IGFN1: variants seen among roughly 807,000 people sequenced by gnomAD.
IGFN1 encodes the protein immunoglobulin-like and fibronectin type III domain-containing protein 1.
Under a neutral mutation model 289.5 loss-of-function variants are expected in IGFN1, and 253 were observed. The ratio of observed to expected loss-of-function variants is 0.87; its 90% CI spans 0.79 to 0.97. The LOEUF (loss-of-function observed/expected upper bound fraction) is 0.97, where lower values mean the gene tolerates loss of function less well. Among genes scored for constraint, IGFN1 ranks in the 50% least tolerant of loss-of-function variants. The pLI, the probability that IGFN1 is intolerant of heterozygous loss-of-function variation, is 0.00. For missense variants in IGFN1, 4,470 were observed against 4,686.1 expected, an observed-to-expected ratio of 0.95 and a Z score of 1.35; for synonymous variants, 1,706 against 1,788.5, an observed-to-expected ratio of 0.95 and a Z score of 1.16.
chr1:201,195,245 G>A (rs1666849957), intron 3 of IGFN1, among the ~76,000 whole-genome samples: 1 of 151,934 alleles, frequency 6.6e-6, no homozygotes, highest in African/African-American at 2.4e-5. Context: ...TCTGCCTCTG[G>A]GGTTCAAGTG....
rs1326224296 is a variant in IGFN1, at chr1:201,207,392, A to C, written c.2499A>C (p.Glu833Asp). 13 of 1,536,140 alleles carry C rather than the reference A, an allele frequency of 8.5e-6. No homozygotes were observed. Among genetic ancestry groups the C allele is most frequent in the South Asian group, 3.6e-5 (3 of 83,934 alleles). Residue 833 changes from glutamate to aspartate, a missense_variant, in exon 12 of 24, where the codon GAA becomes GAC. This residue lies in a region of IGFN1 where 2,011 missense variants were observed against 1,953.4 expected (regional missense o/e 1.03). Coordinates refer to ENST00000335211, the MANE Select transcript of IGFN1 (RefSeq NM_001164586.2). ...HRAAGGIGRI[E>D]SKGTSPWDDT... ...CAGCAGGGGGTATTGGCAGAATAGA[A>C]TCTAAGGGCACAAGTCCTTGGGATG...
At position 201,212,697 on chromosome 1, in the gene IGFN1, G is replaced by A. The variant is rs770844610; in HGVS notation, c.7804G>A (p.Gly2602Ser). 57 of 1,548,922 alleles carry A rather than the reference G, an allele frequency of 3.7e-5. No homozygotes were observed. Among genetic ancestry groups the A allele is most frequent in the Middle Eastern group, 1.7e-4 (1 of 6,002 alleles). Residue 2602 changes from glycine to serine, a missense_variant, in exon 12 of 24, where the codon GGC becomes AGC. Physicochemically the swap from Gly to Ser is moderately conservative, Grantham distance 56 (BLOSUM62 0). This residue lies in a region of IGFN1 where 2,218 missense variants were observed against 2,114.1 expected (regional missense o/e 1.05). Transcript: ENST00000335211. The part of the protein sequence containing the change: ...SVGTGQDLDS[G>S]SMPGGRGKST... ...GGGGACAGGTCAGGATCTGGACAGC[G>A]GCTCTATGCCTGGGGGAAGGGGCAA...
At chr1:201,224,015 G>A (rs984781930) in intron 20 of IGFN1, among the ~76,000 whole-genome samples, 3 of 152,038 alleles carry the variant, frequency 2.0e-5, no homozygotes, top group Admixed American at 6.5e-5. Context: ...TATTATTAAC[G>A]CCTTAAATTC....
Position 201,212,859 on chromosome 1 carries a change from G to C in IGFN1, c.7966G>C (p.Glu2656Gln). Residue 2656 changes from glutamate to glutamine, a missense_variant, in exon 12 of 24, where the codon GAG becomes CAG. Coordinates refer to ENST00000335211, the MANE Select transcript of IGFN1 (RefSeq NM_001164586.2). ...CTCCAGAGCTTCCGGTTCTCTGCAG[G>C]AGAAAGATGCCGCTTTTGGTGGGAC... ...AGSRASGSLQ[E>Q]KDAAFGGTHE... 1.3e-6 allele frequency: 2 copies of C among 1,551,298 alleles called. No individual in the cohort carries two copies. The highest frequency in any genetic ancestry group is 1.7e-6 in the Non-Finnish European group (2 of 1,146,888).
At chr1:201,227,862 G>A (rs918512763) in intron 23 of IGFN1, among the ~76,000 whole-genome samples, 9 of 152,308 alleles carry the variant, frequency 5.9e-5, no homozygotes, top group South Asian at 2.1e-4. Context: ...ACAGGCATCC[G>A]TATTGCTGTT....
At chr1:201,199,224 A>G in intron 5 of IGFN1, 110 bp from the exon 6 acceptor site, 1 of 907,066 alleles carries the variant, frequency 1.1e-6, no homozygotes, top group Non-Finnish European at 1.8e-6. Context: ...GACAGTGGGG[A>G]GAGCAGGGCT....
chr1:201,194,874 C>T (rs192664312), intron 3 of IGFN1, among the ~76,000 whole-genome samples: 224 of 152,286 alleles, frequency 1.5e-3, no homozygotes, highest in Middle Eastern at 6.8e-3. Context: ...TTTTATTTTT[C>T]TAAATCTGGA....
chr1:201,212,481 G>C lies in IGFN1; in HGVS notation c.7588G>C (p.Gly2530Arg). Residue 2530 changes from glycine to arginine, a missense_variant, in exon 12 of 24, where the codon GGC becomes CGC. By Grantham distance (125) the Gly-to-Arg change is moderately radical. Coordinates refer to ENST00000335211, the MANE Select transcript of IGFN1 (RefSeq NM_001164586.2). ...GIMGASGFLD[G>R]KGAVEGETWA... ...AATGGGGGCTTCTGGGTTTCTTGAT[G>C]GCAAGGGGGCAGTGGAAGGTGAGAC... The C allele has an allele frequency of 6.5e-7, 1 of 1,540,582 alleles. No individual in the cohort carries two copies. Among genetic ancestry groups the C allele is most frequent in the Non-Finnish European group, 8.7e-7 (1 of 1,146,822 alleles).
At chr1:201,214,907 C>A in intron 13 of IGFN1, 106 bp from the exon 14 acceptor site, 1 of 1,145,036 alleles carries the variant, frequency 8.7e-7, no homozygotes, top group Middle Eastern at 2.0e-4. Context: ...TCCATTCACA[C>A]AGCTGTTATC....
rs1415402978 is a variant in IGFN1, at chr1:201,207,499, G to A, written c.2606G>A (p.Gly869Asp). ...CCCAGTGGAGGACAAGAGGGTATGG[G>A]TGGTATCTGGGTGGCTGGACTGACG... is the stretch of plus-strand genomic sequence containing the variant. The part of the protein sequence containing the change: ...LGPSGGQEGM[G>D]GIWVAGLTES... The change falls in exon 12 of 24, where the codon GGT becomes GAT. Residue 869 changes from glycine to aspartate, a missense_variant. This residue lies in a region of IGFN1 where 2,011 missense variants were observed against 1,953.4 expected (regional missense o/e 1.03). Transcript: ENST00000335211. 1.3e-6 allele frequency: 2 copies of A among 1,535,074 alleles called. No homozygotes were observed. The highest frequency in any genetic ancestry group is 1.4e-5 in the African/African-American group (1 of 73,082).
chr1:201,206,221 G>T lies in IGFN1; in HGVS notation c.1328G>T (p.Gly443Val), dbSNP rs747137768. ...TCCAGAGAGCAGGGCCCCAGGGGGG[G>T]CTCCCTTGAAGGGGCTGGGCCGGCT... ...EKSREQGPRGGSLEGAGPASG... is the reference protein window; with the variant it reads ...EKSREQGPRGVSLEGAGPASG... Residue 443 changes from glycine to valine, a missense_variant, in exon 12 of 24, where the codon GGC (glycine) becomes GTC (valine). By Grantham distance (109) the Gly-to-Val change is moderately radical. Transcript: ENST00000335211. 6.5e-7 allele frequency: 1 copy of T among 1,548,004 alleles called. No homozygotes were observed. Among genetic ancestry groups the T allele is most frequent in the Non-Finnish European group, 8.7e-7 (1 of 1,146,080 alleles).
Position 201,212,271 on chromosome 1 carries a change from G to A in IGFN1, c.7378G>A (p.Glu2460Lys), listed in dbSNP as rs549567594. 29 of 1,535,992 alleles carry A rather than the reference G, an allele frequency of 1.9e-5. No individual in the cohort carries two copies. Among genetic ancestry groups the A allele is most frequent in the Non-Finnish European group, 2.3e-5 (26 of 1,146,614 alleles). ...SQGGRQTLSD[E>K]RGSTKDLGGY... ...GGGAGGGCGACAGACTCTTTCAGAT[G>A]AGCGAGGCTCCACCAAAGATCTTGG... is the stretch of plus-strand genomic sequence containing the variant. The change falls in exon 12 of 24, where the codon GAG (glutamate) becomes AAG (lysine). Residue 2460 changes from glutamate (E) to lysine (K), a missense_variant. By Grantham distance (56) the Glu-to-Lys change is moderately conservative. Around this residue, in one of 8 missense-constraint regions of IGFN1, gnomAD observed 2,218 missense variants for 2,114.1 expected, o/e 1.05. Coordinates refer to ENST00000335211, the MANE Select transcript of IGFN1 (RefSeq NM_001164586.2).
rs959066313 is a variant in IGFN1, at chr1:201,212,315, G to A, written c.7422G>A (p.Gly2474=). 1 of 1,536,594 alleles carries A rather than the reference G, an allele frequency of 6.5e-7. No individual in the cohort carries two copies. Among genetic ancestry groups the A allele is most frequent in the South Asian group, 1.2e-5 (1 of 84,050 alleles). The change falls in exon 12 of 24, where the codon GGG becomes GGA. Residue 2474 remains glycine, a synonymous_variant. Coordinates refer to ENST00000335211, the MANE Select transcript of IGFN1 (RefSeq NM_001164586.2). The part of the protein sequence containing the change: ...TKDLGGYGTS[G]IPEASEAAGA... ...ATCTTGGGGGCTATGGAACTTCAGGGATCCCTGAGGCCTCGGAGGCTGCTG... is the reference window on the plus strand; with the variant it reads ...ATCTTGGGGGCTATGGAACTTCAGGAATCCCTGAGGCCTCGGAGGCTGCTG...
intron 3 of IGFN1, among the ~76,000 whole-genome samples, chr1:201,195,586 C>T (rs961938114): frequency 6.6e-6 from 1 of 152,162 alleles, no homozygotes; most frequent in Non-Finnish European, 1.5e-5. Flanking sequence ...GTCCACCTGT[C>T]TCTTTCCCTC....
chr1:201,220,066 TTTCC>T (rs1653622796), intron 18 of IGFN1, among the ~76,000 whole-genome samples: 2 of 147,064 alleles, frequency 1.4e-5, no homozygotes, highest in Admixed American at 6.8e-5. Flanking sequence ...TGTTCTTTTT[TTTCC>T]TTTCTTTCTC....
intron 9 of IGFN1, among the ~76,000 whole-genome samples, chr1:201,202,738 TCCC>T (rs1558137458): frequency 2.8e-4 from 17 of 61,282 alleles, no homozygotes; most frequent in South Asian, 8.1e-4. Flanking sequence ...CCTCCCTCCC[TCCC>T]TCCCTCCCTC....
In IGFN1 at chr1:201,212,056, A is replaced by G; in HGVS notation, c.7163A>G (p.His2388Arg). 1 of 1,536,420 alleles carries G rather than the reference A, an allele frequency of 6.5e-7. No homozygotes were observed. The highest frequency in any genetic ancestry group is 2.4e-5 in the East Asian group (1 of 40,918). The change falls in exon 12 of 24, where the codon CAC (histidine) becomes CGC (arginine). Residue 2388 changes from histidine to arginine, a missense_variant. Coordinates refer to ENST00000335211, the MANE Select transcript of IGFN1 (RefSeq NM_001164586.2). The part of the protein sequence containing the change: ...AGPRGHKAMG[H>R]RSGYWVASEG... ...CCCAGAGGCCATAAAGCCATGGGTC[A>G]CAGGTCAGGATATTGGGTAGCATCA...
intron 20 of IGFN1, 104 bp downstream of exon 20, chr1:201,222,931 A>G (rs1653831446): frequency 3.0e-6 from 2 of 675,414 alleles, no homozygotes; most frequent in South Asian, 4.1e-5. Context: ...TTTGGCCCCT[A>G]GTCAGTGCTT....
intron 1 of IGFN1, 135 bp from the exon 2 acceptor site, chr1:201,193,112 G>T (rs1558130779): frequency 5.0e-6 from 3 of 595,888 alleles, no homozygotes; most frequent in Non-Finnish European, 9.1e-6. Flanking sequence ...TGCCATTAGT[G>T]GGTTAGAAAA....
Sources: gnomAD v4.1 joint callset for allele counts (sites outside exome capture counted in the v4.1 genomes callset) on GRCh38, gnomAD v4.1.1 for gene constraint, gnomAD v4.1.1 regional missense constraint, MANE v1.5 for transcripts, NCBI Gene and HGNC (gene_info 2026-07-23, HGNC 2026-07-21) for gene names.